Variants in SARAF observed in about 807,000 individuals in gnomAD.
SARAF encodes the protein store-operated calcium entry associated regulatory factor.
Under a neutral mutation model 39.7 loss-of-function variants are expected in SARAF, and 23 were observed. The observed-to-expected ratio is 0.58, with a 90% CI of 0.42 to 0.82. The LOEUF (loss-of-function observed/expected upper bound fraction) is 0.82, where lower values mean the gene tolerates loss of function less well. Among genes scored for constraint, SARAF ranks in the 40% least tolerant of loss-of-function variants. The pLI is 0.00. For missense variants in SARAF, 384 were observed against 418.5 expected, an observed-to-expected ratio of 0.92 and a Z score of 0.72; for synonymous variants, 175 against 168.5, an observed-to-expected ratio of 1.04 and a Z score of -0.30.
chr8:30,063,929 T>C lies in SARAF; in HGVS notation c.995-16A>G, dbSNP rs943054186. Reference sequence around the variant, plus strand: ...CCACCATATCCTAGAATGAGAGGGGTAAAATTTACATTAGTTTTTAAAAAT... The same window carrying C: ...CCACCATATCCTAGAATGAGAGGGGCAAAATTTACATTAGTTTTTAAAAAT... On this transcript the variant is annotated splice_polypyrimidine_tract_variant and intron_variant, in intron 5 of 5. Coordinates refer to ENST00000256255, the MANE Select transcript of SARAF (RefSeq NM_016127.6). 3 of 1,600,106 alleles carry C rather than the reference T, an allele frequency of 1.9e-6. No homozygotes were observed. The highest frequency in any genetic ancestry group is 1.7e-5 in the Admixed American group (1 of 57,322).
upstream of SARAF, chr8:30,083,204 G>A (rs1005399739): frequency 5.5e-6 from 2 of 362,712 alleles, no homozygotes; most frequent in East Asian, 5.3e-5. Context: ...GGGCGAGGCG[G>A]TGTGGGCGGG....
Position 30,066,091 on chromosome 8 carries a change from G to A in SARAF, c.891C>T (p.Pro297=), listed in dbSNP as rs1350323636. 1.2e-6 allele frequency: 2 copies of A among 1,614,168 alleles called. No homozygotes were observed. Among genetic ancestry groups the A allele is most frequent in the South Asian group, 1.1e-5 (1 of 91,084 alleles). The part of the protein sequence containing the change: ...SDSWYYPSYP[P]SYPGTWNRAY... ...CCCTATTCCACGTGCCAGGGTAGGA[G>A]GGAGGATAGGACGGGTAGTACCACG... The change falls in exon 5 of 6, where the codon CCC becomes CCT. Residue 297 remains proline (P), a synonymous_variant. Coordinates refer to ENST00000256255, the MANE Select transcript of SARAF (RefSeq NM_016127.6).
At chr8:30,070,133 G>A (rs1289648104) in intron 2 of SARAF, 74 bp from the exon 3 acceptor site, 1 of 1,361,430 alleles carries the variant, frequency 7.3e-7, no homozygotes, top group African/African-American at 1.5e-5. Flanking sequence ...TTGGGGGCCG[G>A]GCGCAGTGGC....
intron 5 of SARAF, among the ~76,000 whole-genome samples, chr8:30,065,002 T>G (rs1057154875): frequency 6.6e-6 from 1 of 152,202 alleles, no homozygotes; most frequent in Non-Finnish European, 1.5e-5. Context: ...GCTATCATCA[T>G]AGTGTATATA....
chr8:30,065,856 G>A, intron 5 of SARAF, 132 bp downstream of exon 5: 3 of 977,614 alleles, frequency 3.1e-6, no homozygotes, highest in Non-Finnish European at 4.8e-6. Context: ...TCAGTTAACT[G>A]TGCTATTAAT....
chr8:30,077,889 C>A (rs1802004290), intron 1 of SARAF, among the ~76,000 whole-genome samples: 2 of 151,648 alleles, frequency 1.3e-5, no homozygotes, highest in South Asian at 2.1e-4. Context: ...CGTGTGTAAT[C>A]CCAGCACTTT....
At chr8:30,073,484 T>C (rs1242548232) in intron 2 of SARAF, among the ~76,000 whole-genome samples, 4 of 152,202 alleles carry the variant, frequency 2.6e-5, no homozygotes, top group Non-Finnish European at 4.4e-5. Flanking sequence ...AATAGAGATA[T>C]ATGAACCCCT....
intron 4 of SARAF, 101 bp from the exon 5 acceptor site, chr8:30,066,240 G>A (rs1271217274): frequency 2.4e-6 from 3 of 1,239,440 alleles, no homozygotes; most frequent in Non-Finnish European, 3.3e-6. Flanking sequence ...TCTTTATCAA[G>A]TATTTTTTCC....
chr8:30,068,756 A>G (rs1801753124), intron 3 of SARAF, among the ~76,000 whole-genome samples: 1 of 152,148 alleles, frequency 6.6e-6, no homozygotes, highest in African/African-American at 2.4e-5. Flanking sequence ...TCTACCGGAA[A>G]TACATTTTAT....
Position 30,082,850 on chromosome 8 carries a change from G to C in SARAF, c.100C>G (p.Pro34Ala), listed in dbSNP as rs1267980712. ...TAGPALGWNDPDRMLLRDVKA... is the reference protein window; with the variant it reads ...TAGPALGWNDADRMLLRDVKA... The stretch of plus-strand genomic sequence containing the variant: ...TGAGGGCCCTGGCAGCACTCACCAG[G>C]GTCGTTCCAGCCCAGGGCAGGGCCC... The change falls in exon 1 of 6, where the codon CCT (proline) becomes GCT (alanine). Residue 34 changes from proline to alanine, a missense_variant. Pro to Ala is a conservative substitution (Grantham distance 27). Transcript: ENST00000256255. The C allele has an allele frequency of 1.3e-6, 2 of 1,546,682 alleles. No individual in the cohort carries two copies. The highest frequency in any genetic ancestry group is 2.0e-5 in the Admixed American group (1 of 50,258).
intron 5 of SARAF, chr8:30,065,649 A>G: frequency 4.5e-6 from 1 of 224,448 alleles, no homozygotes; most frequent in Non-Finnish European, 9.1e-6. Flanking sequence ...TCTTTTTTGA[A>G]TGTTATTGAA....
intron 4 of SARAF, 151 bp from the exon 5 acceptor site, chr8:30,066,290 C>T: frequency 1.2e-6 from 1 of 844,446 alleles, no homozygotes; most frequent in South Asian, 1.9e-5. Context: ...GAAATAAAAA[C>T]CGTTTCATAT....
At chr8:30,071,570 A>G (rs1043564376) in intron 2 of SARAF, among the ~76,000 whole-genome samples, 1 of 152,226 alleles carries the variant, frequency 6.6e-6, no homozygotes, top group African/African-American at 2.4e-5. Context: ...AATCAATTTT[A>G]GAATATTTTC....
chr8:30,070,100 T>C, intron 2 of SARAF, 41 bp from the exon 3 acceptor site: 1 of 1,488,166 alleles, frequency 6.7e-7, no homozygotes, highest in Non-Finnish European at 9.0e-7. Context: ...AAACAAACAT[T>C]TTTTTCATTT....
chr8:30,069,374 A>C (rs973263920), intron 3 of SARAF, among the ~76,000 whole-genome samples: 32 of 151,970 alleles, frequency 2.1e-4, no homozygotes, highest in African/African-American at 7.7e-4. Context: ...TCCCAACCTC[A>C]AGTGATCTGC....
In SARAF at chr8:30,066,126, AGGGTGTTGCCGCTCTT is replaced by A. The variant is rs1326598308; in HGVS notation, c.843-3_855del. On this transcript the variant is annotated splice_acceptor_variant and splice_polypyrimidine_tract_variant and coding_sequence_variant and intron_variant, in exon 5 of 6. Coordinates refer to ENST00000256255, the MANE Select transcript of SARAF (RefSeq NM_016127.6). LOFTEE classifies it high-confidence loss of function. ...GACGGGTAGTACCACGAGTCTGAGAAGGGTGTTGCCGCTCTTTAAAGGGATAAAAGTAGGTTAGGCA... is the reference window on the plus strand; with the variant it reads ...GACGGGTAGTACCACGAGTCTGAGAATAAAGGGATAAAAGTAGGTTAGGCA... 5.6e-6 allele frequency: 9 copies of A among 1,613,948 alleles called. No homozygotes were observed. Among genetic ancestry groups the A allele is most frequent in the Non-Finnish European group, 7.6e-6 (9 of 1,180,008 alleles).
intron 1 of SARAF, among the ~76,000 whole-genome samples, chr8:30,077,467 C>A (rs145030114): frequency 0.011 from 1,655 of 151,612 alleles, 22 homozygotes; most frequent in Middle Eastern, 0.031. Flanking sequence ...TAAATAAATA[C>A]ATACATACGA....
chr8:30,078,199 GA>G, intron 1 of SARAF: 1 of 292,766 alleles, frequency 3.4e-6, no homozygotes, highest in South Asian at 2.7e-5. Context: ...AAAAAAGAAA[GA>G]AAGAAAATTA....
Position 30,082,843 on chromosome 8 carries a change from T to A in SARAF, c.103+4A>T. On this transcript the variant is annotated splice_donor_region_variant and intron_variant, in intron 1 of 5. Coordinates refer to ENST00000256255, the MANE Select transcript of SARAF (RefSeq NM_016127.6). ...AAGCGCCTGAGGGCCCTGGCAGCAC[T>A]CACCAGGGTCGTTCCAGCCCAGGGC... 1 of 1,464,336 alleles carries A rather than the reference T, an allele frequency of 6.8e-7. No individual in the cohort carries two copies. The highest frequency in any genetic ancestry group is 9.2e-7 in the Non-Finnish European group (1 of 1,090,454). 90.7% of individuals were successfully genotyped at this position (1,464,336 alleles called of 1,614,324 possible).
Sources: allele counts gnomAD v4.1 joint callset (sites outside exome capture counted in the v4.1 genomes callset), GRCh38; gene constraint gnomAD v4.1.1; transcripts MANE v1.5; gene names NCBI Gene and HGNC (gene_info 2026-07-23, HGNC 2026-07-21).